Variants in THRB observed in about 807,000 individuals in gnomAD.
THRB encodes thyroid hormone receptor beta.
Under a neutral mutation model 47.8 loss-of-function variants are expected in THRB, and 12 were observed. The ratio of observed to expected loss-of-function variants is 0.25; its 90% CI spans 0.16 to 0.41. The LOEUF is 0.41. THRB is among the 10% of genes least tolerant of loss of function. The pLI is 1.00. For missense variants in THRB, 348 were observed against 589.2 expected, an observed-to-expected ratio of 0.59 and a Z score of 4.24; for synonymous variants, 218 against 212.2, an observed-to-expected ratio of 1.03 and a Z score of -0.24.
intron 1 of THRB, among the ~76,000 whole-genome samples, chr3:24,449,666 A>G (rs1169753368): frequency 3.9e-5 from 6 of 152,184 alleles, no homozygotes; most frequent in Admixed American, 3.9e-4. Context: ...TTTTTTCAAA[A>G]TAGGGAAGCC....
chr3:24,464,695 G>A (rs1041588852), intron 1 of THRB, among the ~76,000 whole-genome samples: 2 of 151,814 alleles, frequency 1.3e-5, no homozygotes, highest in Non-Finnish European at 2.9e-5. Flanking sequence ...CACTTTTTTT[G>A]TATTTGTTTC....
chr3:24,455,710 G>A (rs980704485), intron 1 of THRB, among the ~76,000 whole-genome samples: 30 of 152,078 alleles, frequency 2.0e-4, no homozygotes, highest in African/African-American at 5.3e-4. Flanking sequence ...AAAGAATTCC[G>A]GCTTCATTCA....
chr3:24,133,252 G>A, intron 9 of THRB, 64 bp downstream of exon 9: 2 of 1,556,822 alleles, frequency 1.3e-6, no homozygotes, highest in South Asian at 1.1e-5. Flanking sequence ...ATAATACCCA[G>A]TATTCCTGGA....
chr3:24,321,290 G>T (rs764916838), intron 2 of THRB, among the ~76,000 whole-genome samples: 4 of 152,060 alleles, frequency 2.6e-5, no homozygotes, highest in African/African-American at 4.8e-5. Context: ...CCAAAAGCAG[G>T]GTCTCTTCAT....
intron 1 of THRB, among the ~76,000 whole-genome samples, chr3:24,359,506 G>A (rs1318005605): frequency 6.6e-6 from 1 of 152,062 alleles, no homozygotes; most frequent in African/African-American, 2.4e-5. Context: ...AAATTCAAGG[G>A]GAGGGGATAT....
At chr3:24,169,484 C>T (rs368478477) in intron 5 of THRB, among the ~76,000 whole-genome samples, 28 of 152,064 alleles carry the variant, frequency 1.8e-4, no homozygotes, top group African/African-American at 5.8e-4. Context: ...CACTGGACTG[C>T]CAACTTCTGG....
At chr3:24,221,568 T>C (rs991597591) in intron 4 of THRB, among the ~76,000 whole-genome samples, 2 of 151,966 alleles carry the variant, frequency 1.3e-5, no homozygotes, top group African/African-American at 4.8e-5. Flanking sequence ...GTGGTTGGGG[T>C]ATGAGAAGAA....
At chr3:24,194,711 C>T (rs2043767195) in intron 4 of THRB, among the ~76,000 whole-genome samples, 1 of 152,140 alleles carries the variant, frequency 6.6e-6, no homozygotes, top group South Asian at 2.1e-4. Context: ...ATTAACATAA[C>T]TACTTACATC....
chr3:24,138,065 T>G (rs2034919161), intron 8 of THRB, among the ~76,000 whole-genome samples: 1 of 152,040 alleles, frequency 6.6e-6, no homozygotes, highest in South Asian at 2.1e-4. Flanking sequence ...AGGCTGGTCT[T>G]ATGCAAATCG....
At chr3:24,241,661 A>C (rs2049522954) in intron 3 of THRB, among the ~76,000 whole-genome samples, 1 of 152,146 alleles carries the variant, frequency 6.6e-6, no homozygotes. Flanking sequence ...CAACAAACCA[A>C]GTGCACCTTT....
chr3:24,200,153 T>C (rs2044422243), intron 4 of THRB, among the ~76,000 whole-genome samples: 4 of 152,192 alleles, frequency 2.6e-5, no homozygotes. Context: ...GAGCCACAAA[T>C]GCACATAAAA....
intron 5 of THRB, among the ~76,000 whole-genome samples, chr3:24,172,523 C>T (rs922490246): frequency 3.3e-5 from 5 of 152,012 alleles, no homozygotes; most frequent in Admixed American, 1.3e-4. Context: ...ATAGTTCTAG[C>T]CCATTACAGC....
chr3:24,216,865 A>G (rs1340532889), intron 4 of THRB, among the ~76,000 whole-genome samples: 1 of 152,072 alleles, frequency 6.6e-6, no homozygotes, highest in Non-Finnish European at 1.5e-5. Flanking sequence ...GAATATTTTC[A>G]TTATGCATTG....
intron 2 of THRB, among the ~76,000 whole-genome samples, chr3:24,332,025 G>A (rs982003409): frequency 6.6e-6 from 1 of 152,064 alleles, no homozygotes; most frequent in Non-Finnish European, 1.5e-5. Flanking sequence ...CCCTCACAAC[G>A]AAATCCCACT....
At chr3:24,260,504 T>A (rs923153207) in intron 3 of THRB, among the ~76,000 whole-genome samples, 6 of 152,238 alleles carry the variant, frequency 3.9e-5, no homozygotes, top group African/African-American at 1.2e-4. Flanking sequence ...ACAGTAGTCA[T>A]TTTATTCACT....
chr3:24,175,041 A>C (rs147421981), intron 5 of THRB, among the ~76,000 whole-genome samples: 2 of 152,320 alleles, frequency 1.3e-5, no homozygotes, highest in African/African-American at 4.8e-5. Flanking sequence ...GTGGTTTGTC[A>C]TCTGTCCTCT....
At chr3:24,238,278 T>TGGGGGGGG (rs67450132) in intron 3 of THRB, among the ~76,000 whole-genome samples, 5 of 30,012 alleles carry the variant, frequency 1.7e-4, no homozygotes, top group African/African-American at 2.6e-4. Context: ...TGTGTGTGTG[T>TGGGGGGGG]GGGGGGGGGG....
intron 4 of THRB, among the ~76,000 whole-genome samples, chr3:24,222,683 A>G (rs1030216128): frequency 1.3e-5 from 2 of 152,194 alleles, no homozygotes; most frequent in African/African-American, 4.8e-5. Context: ...TTTCTAGCCT[A>G]CTTGCAGTGA....
intron 3 of THRB, among the ~76,000 whole-genome samples, chr3:24,281,105 C>T (rs1264244393): frequency 3.9e-5 from 6 of 151,998 alleles, no homozygotes; most frequent in South Asian, 2.1e-4. Context: ...AGATACTCCT[C>T]GAGAAGAGCA....
Sources: gnomAD v4.1 joint callset for allele counts (sites outside exome capture counted in the v4.1 genomes callset) on GRCh38, gnomAD v4.1.1 for gene constraint, MANE v1.5 for transcripts, NCBI Gene and HGNC (gene_info 2026-07-23, HGNC 2026-07-21) for gene names.